The following CFAP44 variants were observed in gnomAD, a reference collection of about 807,000 sequenced individuals.
CFAP44 encodes the protein cilia- and flagella-associated protein 44.
CFAP44 carries 134 observed loss-of-function variants against 216.2 expected under a neutral mutation model. The ratio of observed to expected loss-of-function variants is 0.62; its 90% CI spans 0.54 to 0.72. CFAP44 has a LOEUF of 0.72. Among genes scored for constraint, CFAP44 ranks in the 30% least tolerant of loss-of-function variants. The probability of loss-of-function intolerance (pLI) is 0.00; values close to 1 mark genes in which losing one functional copy is unlikely to be tolerated. For missense variants in CFAP44, 2,035 were observed against 2,182.1 expected, an observed-to-expected ratio of 0.93 and a Z score of 1.34; for synonymous variants, 700 against 727.6, an observed-to-expected ratio of 0.96 and a Z score of 0.61.
At chr3:113,374,842 G>A (rs917978717) in intron 17 of CFAP44, among the ~76,000 whole-genome samples, 1 of 152,090 alleles carries the variant, frequency 6.6e-6, no homozygotes, top group African/African-American at 2.4e-5. Context: ...TGCCATGTTG[G>A]CCAGGCTGGT....
intron 1 of CFAP44, 43 bp downstream of exon 1, chr3:113,441,410 G>A (rs1358124835): frequency 1.0e-6 from 1 of 985,824 alleles, no homozygotes; most frequent in Admixed American, 6.1e-5. Context: ...CAGATTTAAG[G>A]GGGAGGGTGT....
chr3:113,341,935 C>T lies in CFAP44; in HGVS notation c.3263-17G>A. ...CACTCCCACCTACATAGAGAATCAA[C>T]ATTTTTCAGCCTTTTTGAGACATAA... On this transcript the variant is annotated splice_polypyrimidine_tract_variant and intron_variant, in intron 23 of 34. Coordinates refer to ENST00000393845, the MANE Select transcript of CFAP44 (RefSeq NM_001164496.2). The T allele has an allele frequency of 6.7e-7, 1 of 1,492,968 alleles. No individual in the cohort carries two copies. The highest frequency in any genetic ancestry group is 8.8e-7 in the Non-Finnish European group (1 of 1,135,078). 92.5% of individuals were successfully genotyped at this position (1,492,968 alleles called of 1,614,324 possible).
rs577223468 is a variant in CFAP44, at chr3:113,377,665, A to T, written c.2298+1641T>A. The stretch of plus-strand genomic sequence containing the variant: ...TTCAGACAAACAAAAACATATATAT[A>T]TTTTTTGAGACAGAGTCTTGCTCTG... On this transcript the variant is annotated intron_variant, in intron 17 of 34. Coordinates refer to ENST00000393845, the MANE Select transcript of CFAP44 (RefSeq NM_001164496.2). 5.9e-5 allele frequency among the ~76,000 whole-genome samples: 9 copies of T among 152,142 alleles called. No individual in the cohort carries two copies. In the East Asian group the frequency reaches 9.7e-4, roughly 16 times the overall value.
chr3:113,407,596 A>G (rs1272074232), intron 7 of CFAP44, among the ~76,000 whole-genome samples: 1 of 152,210 alleles, frequency 6.6e-6, no homozygotes, highest in Non-Finnish European at 1.5e-5. Flanking sequence ...CTCAGGTATA[A>G]AATGAGAAAA....
At chr3:113,360,139 G>A (rs1403773513) in intron 21 of CFAP44, 4 of 151,928 alleles carry the variant, frequency 2.6e-5, no homozygotes, top group African/African-American at 9.7e-5. Context: ...ACGTAAAGAG[G>A]TTCATCTGCT....
At chr3:113,433,429 CAAAAAAAAAAAA>C (rs58221881) in intron 2 of CFAP44, 124 bp downstream of exon 2, 2,086 of 127,794 alleles carry the variant, frequency 0.016, 53 homozygotes, top group South Asian at 0.041. Context: ...AACTCCATCT[CAAAAAAAAAAAA>C]AAAAAAAAAA....
chr3:113,315,564 C>T (rs1254028451), intron 28 of CFAP44, among the ~76,000 whole-genome samples: 1 of 152,152 alleles, frequency 6.6e-6, no homozygotes, highest in Non-Finnish European at 1.5e-5. Context: ...ACCTCAACAG[C>T]ATCAACAACC....
At chr3:113,419,101 C>T in intron 5 of CFAP44, among the ~76,000 whole-genome samples, 1 of 152,154 alleles carries the variant, frequency 6.6e-6, no homozygotes, top group Non-Finnish European at 1.5e-5. Context: ...AAAACTATTA[C>T]TGCCATAAAG....
rs534089606 is a variant in CFAP44 at position 113,340,246 on chromosome 3, C to G, written c.3437+1498G>C. Among the ~76,000 whole-genome samples the G allele has an allele frequency of 3.3e-4, 50 of 152,340 alleles. 3 individuals carry two copies. The South Asian group carries it at 9.3e-3, about 28-fold the overall frequency. ...GAACAGTTGGTCTGATTTTCACCTT[C>G]GGAGGCTGAGCCTAATGCTCATTTA... On this transcript the variant is annotated intron_variant, in intron 24 of 34. Coordinates refer to ENST00000393845, the MANE Select transcript of CFAP44 (RefSeq NM_001164496.2).
intron 22 of CFAP44, among the ~76,000 whole-genome samples, chr3:113,347,612 C>A (rs1006898371): frequency 1.3e-5 from 2 of 152,186 alleles, no homozygotes; most frequent in African/African-American, 2.4e-5. Flanking sequence ...TTGCCCAAAG[C>A]CCCATTGGGT....
chr3:113,391,877 C>CT (rs1933849360), intron 15 of CFAP44, among the ~76,000 whole-genome samples: 1 of 152,046 alleles, frequency 6.6e-6, no homozygotes, highest in East Asian at 1.9e-4. Context: ...GTTAAAATGG[C>CT]TTTTTTCCAA....
intron 22 of CFAP44, among the ~76,000 whole-genome samples, chr3:113,349,004 AAATTCCCTACC>A (rs1410073512): frequency 2.6e-5 from 4 of 152,210 alleles, no homozygotes; most frequent in African/African-American, 9.6e-5. Flanking sequence ...AGAAAGGGAC[AAATTCCCTACC>A]AGTCAGCAAG....
chr3:113,366,185 T>C lies in CFAP44; in HGVS notation c.2569A>G (p.Asn857Asp). The change falls in exon 19 of 35, where the codon AAT becomes GAT. Residue 857 changes from asparagine to aspartate, a missense_variant. Around this residue, in one of 3 missense-constraint regions of CFAP44, gnomAD observed 1,883 missense variants for 2,023.7 expected, o/e 0.93. Transcript: ENST00000393845. ...DYWHFNMHDN[N>D]YGCIKSIANS... The stretch of plus-strand genomic sequence containing the variant: ...GCAATACTTTTAATACATCCATAAT[T>C]ATTGTCATGCATATTGAAGTGCCAG... 1.2e-6 allele frequency: 2 copies of C among 1,614,090 alleles called. No homozygotes were observed. Among genetic ancestry groups the C allele is most frequent in the Non-Finnish European group, 1.7e-6 (2 of 1,179,990 alleles).
chr3:113,340,497 C>T (rs1371289551), intron 24 of CFAP44, among the ~76,000 whole-genome samples: 1 of 152,190 alleles, frequency 6.6e-6, no homozygotes, highest in Non-Finnish European at 1.5e-5. Flanking sequence ...GGCATTCACT[C>T]ACACTCACCT....
At position 113,358,847 on chromosome 3, in the gene CFAP44, G is replaced by A. The variant is rs1480816835; in HGVS notation, c.2963C>T (p.Ala988Val). The change falls in exon 22 of 35, where the codon GCT becomes GTT. Residue 988 changes from alanine to valine, a missense_variant. Physicochemically the swap from Ala to Val is moderately conservative, Grantham distance 64. Around this residue, in one of 3 missense-constraint regions of CFAP44, gnomAD observed 1,883 missense variants for 2,023.7 expected, o/e 0.93. Coordinates refer to ENST00000393845, the MANE Select transcript of CFAP44 (RefSeq NM_001164496.2). ...TDFDVDSQIR[A>V]EMHRKTAFKI... ...GAAAGCTGTTTTTCTGTGCATCTCA[G>A]CACGGATTTGGGAATCTACATCAAA... The A allele has an allele frequency of 6.5e-7, 1 of 1,536,470 alleles. No homozygotes were observed. The highest frequency in any genetic ancestry group is 1.4e-5 in the African/African-American group (1 of 72,994).
At chr3:113,369,086 G>C (rs1933057808) in intron 18 of CFAP44, among the ~76,000 whole-genome samples, 1 of 152,100 alleles carries the variant, frequency 6.6e-6, no homozygotes, top group Non-Finnish European at 1.5e-5. Flanking sequence ...GATTCATAAA[G>C]CAAATCCTTA....
rs147329022 is a variant in CFAP44, at chr3:113,426,216, T to C, written c.315A>G (p.Ile105Met). The C allele has an allele frequency of 3.1e-6, 5 of 1,614,176 alleles. No individual in the cohort carries two copies. The South Asian group carries it at 4.4e-5, about 14-fold the overall frequency. Reference sequence around the variant, plus strand: ...TATAATCATAGAAGAAGCTCTCTGATATTTTCTTCTTAACTTCCTCCTCTG... The same window carrying C: ...TATAATCATAGAAGAAGCTCTCTGACATTTTCTTCTTAACTTCCTCCTCTG... Reference protein sequence around the residue: ...EEAEEEVKKKISESFFYDYME... With the variant: ...EEAEEEVKKKMSESFFYDYME... Residue 105 changes from isoleucine to methionine, a missense_variant, in exon 4 of 35, where the codon ATA becomes ATG. By Grantham distance (10) the Ile-to-Met change is conservative (BLOSUM62 1). Around this residue, in one of 3 missense-constraint regions of CFAP44, gnomAD observed 149 missense variants for 141.8 expected, o/e 1.05. Coordinates refer to ENST00000393845, the MANE Select transcript of CFAP44 (RefSeq NM_001164496.2).
At chr3:113,438,676 A>C (rs1935289764) in intron 1 of CFAP44, among the ~76,000 whole-genome samples, 1 of 152,216 alleles carries the variant, frequency 6.6e-6, no homozygotes. Flanking sequence ...TCTACTTCTT[A>C]GTATATTTTA....
At chr3:113,408,812 G>T (rs556750439) in intron 7 of CFAP44, among the ~76,000 whole-genome samples, 1 of 144,066 alleles carries the variant, frequency 6.9e-6, no homozygotes, top group Non-Finnish European at 1.5e-5. Flanking sequence ...GCAGTGAGCT[G>T]AGATCATGCC....
Sources: allele counts gnomAD v4.1 joint callset (sites outside exome capture counted in the v4.1 genomes callset), GRCh38; gene constraint gnomAD v4.1.1; regional missense constraint gnomAD v4.1.1; transcripts MANE v1.5; gene names NCBI Gene and HGNC (gene_info 2026-07-23, HGNC 2026-07-21).